Variants in ZNF667 observed in about 807,000 individuals in gnomAD.
ZNF667 encodes the protein myocardial ischemic preconditioning upregulated 1 ortholog.
In ZNF667, 13 loss-of-function variants were observed where a neutral mutation model predicts 31.8. The ratio of observed to expected loss-of-function variants is 0.41; its 90% CI spans 0.27 to 0.65. ZNF667 has a LOEUF of 0.65. Among genes scored for constraint, ZNF667 ranks in the 30% least tolerant of loss-of-function variants. The pLI is 0.32. For synonymous variants in ZNF667, 228 were observed against 247.1 expected, an observed-to-expected ratio of 0.92 and a Z score of 0.73; for missense variants, 642 against 725.6, an observed-to-expected ratio of 0.88 and a Z score of 1.32.
chr19:56,451,216 T>C (rs1568842540), intron 6 of ZNF667, among the ~76,000 whole-genome samples: 2 of 151,378 alleles, frequency 1.3e-5, no homozygotes, highest in African/African-American at 2.4e-5. Flanking sequence ...ACAAAAAGTA[T>C]GGAAAGATAC....
chr19:56,472,290 C>T (rs533962634), intron 2 of ZNF667, 103 bp from the exon 3 acceptor site: 10 of 152,320 alleles, frequency 6.6e-5, no homozygotes, highest in African/African-American at 2.4e-4. Flanking sequence ...CCTGTTTGCT[C>T]ATCTATACAA....
In ZNF667 at chr19:56,442,507, TG is replaced by T; in HGVS notation, c.487del (p.Gln163ArgfsTer57). 1 of 1,613,698 alleles carries T rather than the reference TG, an allele frequency of 6.2e-7. No homozygotes were observed. Among genetic ancestry groups the T allele is most frequent in the Non-Finnish European group, 8.5e-7 (1 of 1,179,800 alleles). ...FSRSFSLKLHQNIHTGEKPFE... is the reference protein window; with the variant it reads ...FSRSFSLKLHXNIHTGEKPFE... ...AGGCTTCTCTCCTGTATGAATGTTCTGATGAAGTTTAAGAGAGAAGCTTCGA... is the reference window on the plus strand; with the variant it reads ...AGGCTTCTCTCCTGTATGAATGTTCTATGAAGTTTAAGAGAGAAGCTTCGA... On this transcript the variant is annotated frameshift_variant, in exon 7 of 7. Transcript: ENST00000504904. LOFTEE classifies it low-confidence loss of function (END_TRUNC).
intron 6 of ZNF667, chr19:56,449,208 A>G (rs1259417885): frequency 1.3e-5 from 5 of 395,282 alleles, no homozygotes; most frequent in South Asian, 9.7e-5. Flanking sequence ...AAACAAGCCC[A>G]GACTACAAAG....
chr19:56,467,410 G>A (rs2043186680), intron 3 of ZNF667, among the ~76,000 whole-genome samples: 1 of 152,152 alleles, frequency 6.6e-6, no homozygotes, highest in African/African-American at 2.4e-5. Flanking sequence ...TTTTTCCTCT[G>A]CTGTCACACC....
Position 56,471,733 on chromosome 19 carries a change from T to C in ZNF667, c.-94A>G, listed in dbSNP as rs2043296985. ...AGATCAGTTGGCTTTCCCCTTCCAA[T>C]TACTTAGGTAAAATGACTTGTTCCA... On this transcript the variant is annotated 5_prime_UTR_variant, in exon 3 of 7. It removes the in-frame stop codon of an upstream open reading frame in the 5' UTR. Transcript: ENST00000504904. 6.6e-6 allele frequency: 1 copy of C among 152,206 alleles called. No homozygotes were observed. The highest frequency in any genetic ancestry group is 1.5e-5 in the Non-Finnish European group (1 of 68,038). 9.4% of individuals were successfully genotyped at this position (152,206 alleles called of 1,614,324 possible). A position where few individuals can be genotyped will look rare whatever the true frequency, so the allele number is the denominator to read the frequency against.
intron 6 of ZNF667, 93 bp downstream of exon 6, chr19:56,458,062 G>T: frequency 8.9e-7 from 1 of 1,123,254 alleles, no homozygotes. Flanking sequence ...GTGAGAAGTA[G>T]ATTTCTGGTG....
At chr19:56,457,494 G>C (rs923600289) in intron 6 of ZNF667, among the ~76,000 whole-genome samples, 1 of 152,142 alleles carries the variant, frequency 6.6e-6, no homozygotes, top group Non-Finnish European at 1.5e-5. Context: ...CTCTGGGCCT[G>C]TTTGCTTATC....
chr19:56,464,977 G>A (rs1452422966), intron 3 of ZNF667, among the ~76,000 whole-genome samples: 3 of 152,144 alleles, frequency 2.0e-5, no homozygotes, highest in Non-Finnish European at 4.4e-5. Flanking sequence ...CCCTTACTGT[G>A]GAAAGCTTGA....
intron 6 of ZNF667, among the ~76,000 whole-genome samples, chr19:56,452,640 C>G (rs2042855281): frequency 6.6e-6 from 1 of 151,972 alleles, no homozygotes; most frequent in Non-Finnish European, 1.5e-5. Flanking sequence ...ACAAAAGAGC[C>G]TGGGCGCGGT....
chr19:56,476,030 T>C (rs1345993692), intron 1 of ZNF667: 3 of 152,238 alleles, frequency 2.0e-5, no homozygotes, highest in Non-Finnish European at 2.9e-5. Context: ...TGATCATTGA[T>C]GTGGCACTTC....
intron 6 of ZNF667, among the ~76,000 whole-genome samples, chr19:56,454,127 AAC>A (rs1454654772): frequency 6.6e-6 from 1 of 152,176 alleles, no homozygotes; most frequent in East Asian, 1.9e-4. Context: ...AAACTTAACA[AAC>A]ACAGTGAAAT....
chr19:56,462,118 G>A (rs528500701), intron 4 of ZNF667, among the ~76,000 whole-genome samples: 1 of 152,330 alleles, frequency 6.6e-6, no homozygotes, highest in East Asian at 1.9e-4. Context: ...ACAGGCCAGT[G>A]GCCATGTGCA....
At chr19:56,466,939 C>A (rs1270701915) in intron 3 of ZNF667, 2 of 452,290 alleles carry the variant, frequency 4.4e-6, no homozygotes, top group Non-Finnish European at 8.9e-6. Context: ...TACTCTATAA[C>A]AGGGTAGTTT....
chr19:56,456,977 C>T (rs1223085363), intron 6 of ZNF667, among the ~76,000 whole-genome samples: 14 of 152,162 alleles, frequency 9.2e-5, no homozygotes, highest in Non-Finnish European at 1.5e-4. Context: ...ATCTGGCTTC[C>T]GTTACACACC....
In ZNF667 at chr19:56,440,808, G is replaced by T; in HGVS notation, c.*354C>A. ...CGCACCACCACGCCCAGCTAATTTT[G>T]TATTTTTTAGTAGAGACAGGGTTTC... is the stretch of plus-strand genomic sequence containing the variant. On this transcript the variant is annotated 3_prime_UTR_variant, in exon 7 of 7. Coordinates refer to ENST00000504904, the MANE Select transcript of ZNF667 (RefSeq NM_001321356.2). 1.4e-6 allele frequency: 1 copy of T among 699,356 alleles called. No individual in the cohort carries two copies. Among genetic ancestry groups the T allele is most frequent in the Non-Finnish European group, 1.8e-6 (1 of 550,334 alleles). 43.3% of individuals were successfully genotyped at this position (699,356 alleles called of 1,614,324 possible). A position where few individuals can be genotyped will look rare whatever the true frequency, so the allele number is the denominator to read the frequency against.
intron 4 of ZNF667, among the ~76,000 whole-genome samples, 164 bp downstream of exon 4, chr19:56,462,174 G>A (rs1016811348): frequency 6.6e-5 from 10 of 152,320 alleles, no homozygotes; most frequent in African/African-American, 2.4e-4. Flanking sequence ...CTGGCTGCTG[G>A]GCCCTTCTCA....
intron 6 of ZNF667, among the ~76,000 whole-genome samples, chr19:56,455,296 A>G (rs930457591): frequency 1.3e-5 from 2 of 152,174 alleles, no homozygotes; most frequent in African/African-American, 4.8e-5. Flanking sequence ...GAACTAATAT[A>G]TGATTCAGCA....
rs1160941992 is a variant in ZNF667 at position 56,470,035 on chromosome 19, T to C, written c.-60+1664A>G. 4.4e-6 allele frequency: 2 copies of C among 457,930 alleles called. 1 individual carries two copies. Among genetic ancestry groups the C allele is most frequent in the South Asian group, 3.1e-5 (2 of 64,584 alleles). 28.4% of individuals were successfully genotyped at this position (457,930 alleles called of 1,614,324 possible). A position where few individuals can be genotyped will look rare whatever the true frequency, so the allele number is the denominator to read the frequency against. ...TTATCTCTTGTCCTCCACCGGACAATGCATTGACCAATGTTCTCATGTGTG... is the reference window on the plus strand; with the variant it reads ...TTATCTCTTGTCCTCCACCGGACAACGCATTGACCAATGTTCTCATGTGTG... On this transcript the variant is annotated intron_variant, in intron 3 of 6. Coordinates refer to ENST00000504904, the MANE Select transcript of ZNF667 (RefSeq NM_001321356.2).
At chr19:56,456,260 TCTC>T (rs966581955) in intron 6 of ZNF667, among the ~76,000 whole-genome samples, 2 of 152,238 alleles carry the variant, frequency 1.3e-5, no homozygotes, top group East Asian at 1.9e-4. Flanking sequence ...ATTTGATAAT[TCTC>T]CTTTTTAAGT....
Sources: allele counts gnomAD v4.1 joint callset (sites outside exome capture counted in the v4.1 genomes callset), GRCh38; gene constraint gnomAD v4.1.1; transcripts MANE v1.5; gene names NCBI Gene and HGNC (gene_info 2026-07-23, HGNC 2026-07-21).